TET3: variants seen among roughly 807,000 people sequenced by gnomAD.
The protein encoded by TET3 is tet methylcytosine dioxygenase 3, also known as methylcytosine dioxygenase TET3.
Under a neutral mutation model 141.4 loss-of-function variants are expected in TET3, and 19 were observed. The observed-to-expected ratio is 0.13, with a 90% CI of 0.09 to 0.20. The LOEUF (loss-of-function observed/expected upper bound fraction) is 0.20, where lower values mean the gene tolerates loss of function less well. Ranked by LOEUF, TET3 falls within the 10% of genes least tolerant of loss-of-function variation. The pLI, the probability that TET3 is intolerant of heterozygous loss-of-function variation, is 1.00. For synonymous variants in TET3, 1,043 were observed against 980.9 expected (o/e 1.06, Z -1.18); for missense variants, 1,874 against 2,356.9 (o/e 0.80, Z 4.24).
chr2:74,107,279 AC>A lies in TET3; in HGVS notation c.*5105del, dbSNP rs1691550937. 1 of 152,238 alleles carries A rather than the reference AC, an allele frequency of 6.6e-6. No homozygotes were observed. The highest frequency in any genetic ancestry group is 2.4e-5 in the African/African-American group (1 of 41,460). The allele number at this position is 152,238 out of a possible 1,614,324, so 9.4% of individuals were successfully genotyped here. ...CAATAGGCTTCTCCCCTGAGCAGAG[AC>A]CGCAGCACAGAAATGCAAGGTCTAA... On this transcript the variant is annotated 3_prime_UTR_variant, in exon 12 of 12. Transcript: ENST00000409262.
At chr2:74,057,550 T>C (rs1215860753) in intron 4 of TET3, among the ~76,000 whole-genome samples, 1 of 152,240 alleles carries the variant, frequency 6.6e-6, no homozygotes, top group African/African-American at 2.4e-5. Flanking sequence ...CACTCTATTT[T>C]TGGGCAAATA....
chr2:73,987,654 T>A (rs1471269453), intron 2 of TET3, among the ~76,000 whole-genome samples: 1 of 152,208 alleles, frequency 6.6e-6, no homozygotes, highest in African/African-American at 2.4e-5. Flanking sequence ...GACGGAGGCC[T>A]GCGCTGTCTT....
intron 3 of TET3, among the ~76,000 whole-genome samples, chr2:74,028,768 T>G (rs1258581381): frequency 6.6e-6 from 1 of 152,264 alleles, no homozygotes; most frequent in Non-Finnish European, 1.5e-5. Context: ...ACTGATAATT[T>G]TGTAAAAATA....
chr2:74,061,790 C>T lies in TET3; in HGVS notation c.2495-11759C>T, dbSNP rs13410343. On this transcript the variant is annotated intron_variant, in intron 4 of 11. Transcript: ENST00000409262. The stretch of plus-strand genomic sequence containing the variant: ...CTCACCTCCCAGACGGGGTCGCGGC[C>T]GGGTAGAGGCGCTCCTCACATCTCA... Among the ~76,000 whole-genome samples the T allele has an allele frequency of 2.7e-5, 3 of 112,638 alleles. 1 individual carries two copies. The highest frequency in any genetic ancestry group is 1.1e-4 in the African/African-American group (3 of 26,574). The allele number at this position is 112,638 out of a possible 152,430, so 73.9% of individuals were successfully genotyped here. A position where few individuals can be genotyped will look rare whatever the true frequency, so the allele number is the denominator to read the frequency against.
chr2:74,037,909 T>C (rs564193772), intron 3 of TET3, among the ~76,000 whole-genome samples: 1 of 152,350 alleles, frequency 6.6e-6, no homozygotes, highest in South Asian at 2.1e-4. Context: ...CCTGGTGTCA[T>C]ATCTGTATCC....
In TET3 at chr2:74,103,055, C is replaced by T. The variant is rs892922663; in HGVS notation, c.*879C>T. The T allele has an allele frequency of 1.3e-5, 2 of 152,286 alleles. No homozygotes were observed. The highest frequency in any genetic ancestry group is 4.8e-5 in the African/African-American group (2 of 41,462). 9.4% of individuals were successfully genotyped at this position (152,286 alleles called of 1,614,324 possible). A position where few individuals can be genotyped will look rare whatever the true frequency, so the allele number is the denominator to read the frequency against. Reference sequence around the variant, plus strand: ...TGTCATGGTTCACTAGGCAGCACCTCACGCTGGAGCTGGAGTGCGAGGTTC... The same window carrying T: ...TGTCATGGTTCACTAGGCAGCACCTTACGCTGGAGCTGGAGTGCGAGGTTC... On this transcript the variant is annotated 3_prime_UTR_variant, in exon 12 of 12. Coordinates refer to ENST00000409262, the MANE Select transcript of TET3 (RefSeq NM_001287491.2).
At chr2:74,073,775 G>A in intron 5 of TET3, 136 bp downstream of exon 5, 3 of 645,708 alleles carry the variant, frequency 4.6e-6, no homozygotes, top group Non-Finnish European at 7.6e-6. Flanking sequence ...CTTAGGGAAG[G>A]TTTACTGTGG....
In TET3 at chr2:74,093,476, C is replaced by T. The variant is rs967427187; in HGVS notation, c.3130-53C>T. 18 of 1,509,022 alleles carry T rather than the reference C, an allele frequency of 1.2e-5. No individual in the cohort carries two copies. The highest frequency in any genetic ancestry group is 4.8e-5 in the East Asian group (2 of 42,000). The allele number at this position is 1,509,022 out of a possible 1,614,324, so 93.5% of individuals were successfully genotyped here. A position where few individuals can be genotyped will look rare whatever the true frequency, so the allele number is the denominator to read the frequency against. ...GACCTGGCCTCCCCAGGTGCAGAAT[C>T]GGGGCCACTCACCTCAGGTCATGTG... On this transcript the variant is annotated intron_variant, in intron 9 of 11. Transcript: ENST00000409262. The surrounding 1 kb of genome is among the most constrained non-coding windows in gnomAD (Gnocchi z 4.2).
intron 4 of TET3, among the ~76,000 whole-genome samples, chr2:74,068,257 C>G (rs1689015665): frequency 6.6e-6 from 1 of 151,502 alleles, no homozygotes; most frequent in African/African-American, 2.4e-5. Context: ...CTCTGCTATT[C>G]TTAGAGTTCG....
intron 7 of TET3, among the ~76,000 whole-genome samples, chr2:74,088,631 T>A (rs565616974): frequency 2.0e-5 from 3 of 151,436 alleles, no homozygotes; most frequent in African/African-American, 7.3e-5. Context: ...ACAGTGAGAC[T>A]CTGTCTCAAA....
intron 4 of TET3, among the ~76,000 whole-genome samples, chr2:74,061,362 GT>G (rs1372037030): frequency 1.4e-5 from 2 of 138,006 alleles, no homozygotes; most frequent in Non-Finnish European, 3.2e-5. Flanking sequence ...GGCTGGCCGG[GT>G]GGGGGGCTGA....
chr2:74,122,515 T>TATATATATA, the TET3 span: 2 of 83,820 alleles, frequency 2.4e-5, no homozygotes, highest in Admixed American at 3.0e-4. Context: ...ATATATATTT[T>TATATATATA]TTTTTTTTTT....
intron 4 of TET3, among the ~76,000 whole-genome samples, chr2:74,054,922 G>T (rs1376702839): frequency 6.6e-6 from 1 of 152,048 alleles, no homozygotes; most frequent in Non-Finnish European, 1.5e-5. Flanking sequence ...TTGAGATGGG[G>T]TCTCACTGTG....
At chr2:74,097,816 G>A (rs1428410398) in intron 10 of TET3, among the ~76,000 whole-genome samples, 1 of 152,174 alleles carries the variant, frequency 6.6e-6, no homozygotes, top group Non-Finnish European at 1.5e-5. Context: ...GCGAGGGGGT[G>A]TGAGCTCTGG....
chr2:74,071,128 T>G (rs1689181265), intron 4 of TET3, among the ~76,000 whole-genome samples: 1 of 152,152 alleles, frequency 6.6e-6, no homozygotes, highest in Non-Finnish European at 1.5e-5. Context: ...CCTCGCTATA[T>G]CTTCACATAG....
intron 4 of TET3, among the ~76,000 whole-genome samples, chr2:74,058,818 T>G (rs1688346697): frequency 6.6e-6 from 1 of 152,142 alleles, no homozygotes; most frequent in African/African-American, 2.4e-5. Context: ...AGACCAAACC[T>G]GGCCCACACT....
intron 3 of TET3, among the ~76,000 whole-genome samples, chr2:74,036,678 G>A (rs1049482122): frequency 3.3e-5 from 5 of 152,236 alleles, no homozygotes; most frequent in African/African-American, 1.2e-4. Context: ...GTGATTAAAT[G>A]AGATAAGTGA....
intron 3 of TET3, among the ~76,000 whole-genome samples, chr2:74,021,619 T>C (rs898283882): frequency 6.6e-6 from 1 of 152,186 alleles, no homozygotes; most frequent in Non-Finnish European, 1.5e-5. Flanking sequence ...GGGAAGGGGT[T>C]CTCAAAAGGT....
At position 74,102,187 on chromosome 2, in the gene TET3, G is replaced by T; in HGVS notation, c.*11G>T. On this transcript the variant is annotated 3_prime_UTR_variant, in exon 12 of 12. Coordinates refer to ENST00000409262, the MANE Select transcript of TET3 (RefSeq NM_001287491.2). Reference sequence around the variant, plus strand: ...AGCCGCTGGATCTAGGTGCCAGGGAGCCAGCGTACCTCAGCGTCGGGCCTG... The same window carrying T: ...AGCCGCTGGATCTAGGTGCCAGGGATCCAGCGTACCTCAGCGTCGGGCCTG... The T allele has an allele frequency of 7.0e-7, 1 of 1,432,914 alleles. No individual in the cohort carries two copies. The highest frequency in any genetic ancestry group is 9.2e-7 in the Non-Finnish European group (1 of 1,090,746). The allele number at this position is 1,432,914 out of a possible 1,614,324, so 88.8% of individuals were successfully genotyped here. A position where few individuals can be genotyped will look rare whatever the true frequency, so the allele number is the denominator to read the frequency against.
Sources: gnomAD v4.1 joint callset for allele counts (sites outside exome capture counted in the v4.1 genomes callset) on GRCh38, gnomAD v4.1.1 for gene constraint, Gnocchi (gnomAD v3.1) non-coding constraint, MANE v1.5 for transcripts, NCBI Gene and HGNC (gene_info 2026-07-23, HGNC 2026-07-21) for gene names.